XPO4: variants seen among roughly 807,000 people sequenced by gnomAD.
XPO4 encodes the protein exportin 4, also known as exportin-4.
XPO4 carries 39 observed loss-of-function variants against 143.0 expected under a neutral mutation model. That is an observed-to-expected ratio of 0.27 (90% CI 0.21 to 0.36). The LOEUF is 0.36. XPO4 is among the 10% of genes least tolerant of loss of function. The pLI, the probability that XPO4 is intolerant of heterozygous loss-of-function variation, is 1.00. For synonymous variants in XPO4, 439 were observed against 474.0 expected (o/e 0.93, Z 0.96); for missense variants, 907 against 1,348.0 (o/e 0.67, Z 5.12).
intron 18 of XPO4, among the ~76,000 whole-genome samples, chr13:20,792,883 G>A (rs1055120341): frequency 5.9e-5 from 9 of 151,972 alleles, no homozygotes; most frequent in African/African-American, 1.9e-4. Context: ...CTCTTCCCAG[G>A]TTCAAGCGAT....
chr13:20,884,019 GCCTCCTGAAGTGCTGC>G (rs2060438535), intron 1 of XPO4, among the ~76,000 whole-genome samples: 1 of 152,182 alleles, frequency 6.6e-6, no homozygotes, highest in Non-Finnish European at 1.5e-5. Flanking sequence ...GCATGCCTCA[GCCTCCTGAAGTGCTGC>G]GATTACAGGC....
intron 6 of XPO4, among the ~76,000 whole-genome samples, chr13:20,835,539 C>T (rs7323504): frequency 0.35 from 53,111 of 152,002 alleles, 11,100 homozygotes; most frequent in Non-Finnish European, 0.48. Flanking sequence ...TGGCCTAACA[C>T]CACAATATCA....
chr13:20,892,836 A>T (rs367962466), intron 1 of XPO4, among the ~76,000 whole-genome samples: 48 of 152,026 alleles, frequency 3.2e-4, no homozygotes, highest in African/African-American at 1.1e-3. Flanking sequence ...GTGAGTCATG[A>T]TCACACCACT....
At chr13:20,901,285 A>G (rs2060618111) in intron 1 of XPO4, among the ~76,000 whole-genome samples, 1 of 152,214 alleles carries the variant, frequency 6.6e-6, no homozygotes, top group Non-Finnish European at 1.5e-5. Context: ...AGATATTGGA[A>G]AACACAAATA....
chr13:20,892,017 T>C (rs570283867), intron 1 of XPO4, among the ~76,000 whole-genome samples: 9 of 146,678 alleles, frequency 6.1e-5, no homozygotes, highest in Admixed American at 7.2e-5. Flanking sequence ...ATCTGACAAG[T>C]TTTTTTTTGT....
At chr13:20,788,060 T>G (rs901008928) in intron 20 of XPO4, among the ~76,000 whole-genome samples, 9 of 149,642 alleles carry the variant, frequency 6.0e-5, no homozygotes, top group African/African-American at 1.2e-4. Context: ...TTTTTTTGTT[T>G]TTTTTTTTTT....
intron 1 of XPO4, among the ~76,000 whole-genome samples, chr13:20,887,370 T>C (rs1365551519): frequency 6.6e-6 from 1 of 152,146 alleles, no homozygotes; most frequent in Admixed American, 6.5e-5. Context: ...CCACGTTGTA[T>C]ATATATATTA....
intron 1 of XPO4, among the ~76,000 whole-genome samples, chr13:20,872,906 C>T (rs7330667): frequency 0.82 from 124,424 of 152,054 alleles, 51,092 homozygotes; most frequent in East Asian, 1. Flanking sequence ...TTAAAGTGTT[C>T]TGCATAGCCT....
chr13:20,816,657 A>G (rs549292382), intron 9 of XPO4, among the ~76,000 whole-genome samples: 15 of 152,334 alleles, frequency 9.8e-5, no homozygotes, highest in African/African-American at 2.9e-4. Flanking sequence ...CCACTGCACT[A>G]AAGGTGCAAG....
In XPO4 at chr13:20,796,287, T is replaced by C; in HGVS notation, c.2617-31A>G. The C allele has an allele frequency of 2.0e-6, 3 of 1,500,426 alleles. No homozygotes were observed. The East Asian group carries it at 6.9e-5, about 35-fold the overall frequency. 92.9% of individuals were successfully genotyped at this position (1,500,426 alleles called of 1,614,324 possible). On this transcript the variant is annotated intron_variant, in intron 17 of 22. Coordinates refer to ENST00000255305, the MANE Select transcript of XPO4 (RefSeq NM_022459.5). ...AAAAAAAAAAATGCACAAATTATGC[T>C]ACTTGGTACACTGACATTAAAAAAA...
intron 22 of XPO4, among the ~76,000 whole-genome samples, chr13:20,784,849 G>A (rs1400705198): frequency 1.3e-5 from 2 of 152,040 alleles, no homozygotes; most frequent in Non-Finnish European, 2.9e-5. Flanking sequence ...AGGCTGAGAT[G>A]GGAGATCGCT....
chr13:20,900,997 T>C (rs538035249), intron 1 of XPO4, among the ~76,000 whole-genome samples: 2 of 152,298 alleles, frequency 1.3e-5, no homozygotes, highest in African/African-American at 4.8e-5. Context: ...AAATTATTTA[T>C]ACAACATATG....
At chr13:20,882,109 C>CAAAAAAAAAAAAAAAAAAAAAAAA (rs35404161) in intron 1 of XPO4, among the ~76,000 whole-genome samples, 4 of 93,344 alleles carry the variant, frequency 4.3e-5, no homozygotes, top group African/African-American at 1.4e-4. Flanking sequence ...GACTCGGTCT[C>CAAAAAAAAAAAAAAAAAAAAAAAA]AAAAAAAAAA....
intron 3 of XPO4, among the ~76,000 whole-genome samples, chr13:20,858,739 C>T (rs996215217): frequency 4.6e-5 from 7 of 151,618 alleles, no homozygotes; most frequent in African/African-American, 7.3e-5. Flanking sequence ...GGCATGGTGG[C>T]GCATGCTTGT....
At chr13:20,897,897 T>C (rs997123228) in intron 1 of XPO4, among the ~76,000 whole-genome samples, 6 of 152,086 alleles carry the variant, frequency 3.9e-5, no homozygotes, top group African/African-American at 1.4e-4. Flanking sequence ...ACGTTATAGG[T>C]ATGCACCACC....
chr13:20,822,119 C>G lies in XPO4; in HGVS notation c.998+13G>C. On this transcript the variant is annotated intron_variant, in intron 8 of 22. Transcript: ENST00000255305. ...GAGCTCCTTTTTCAGCTGCAAAGGGCAAGTATACCTACCCATTGATAGTAT... is the reference window on the plus strand; with the variant it reads ...GAGCTCCTTTTTCAGCTGCAAAGGGGAAGTATACCTACCCATTGATAGTAT... 1 of 1,597,522 alleles carries G rather than the reference C, an allele frequency of 6.3e-7. No individual in the cohort carries two copies. The highest frequency in any genetic ancestry group is 8.5e-7 in the Non-Finnish European group (1 of 1,172,548).
intron 6 of XPO4, among the ~76,000 whole-genome samples, chr13:20,831,854 C>T (rs902049558): frequency 2.2e-5 from 3 of 136,568 alleles, no homozygotes; most frequent in African/African-American, 5.5e-5. Context: ...TACAAGTCCA[C>T]TCCCTCTTAG....
intron 18 of XPO4, among the ~76,000 whole-genome samples, chr13:20,792,658 C>T (rs2059301007): frequency 6.9e-6 from 1 of 144,182 alleles, no homozygotes; most frequent in African/African-American, 2.6e-5. Context: ...GAGGTGGAGG[C>T]TGCTGTGAGC....
chr13:20,902,617 G>A (rs2060632631), intron 1 of XPO4, 53 bp downstream of exon 1: 5 of 1,509,878 alleles, frequency 3.3e-6, no homozygotes, highest in Non-Finnish European at 4.4e-6. Context: ...TGGAGTGGCA[G>A]GGCCGACCGG....
Sources: allele counts gnomAD v4.1 joint callset (sites outside exome capture counted in the v4.1 genomes callset), GRCh38; gene constraint gnomAD v4.1.1; transcripts MANE v1.5; gene names NCBI Gene and HGNC (gene_info 2026-07-23, HGNC 2026-07-21).